The following MYT1 variants were observed in gnomAD, a reference collection of about 807,000 sequenced individuals.
MYT1 encodes myelin transcription factor 1.
A neutral mutation model predicts 123.0 loss-of-function variants in MYT1; 23 were observed. That is an observed-to-expected ratio of 0.19 (90% CI 0.13 to 0.26). The LOEUF is 0.26. MYT1 is among the 10% of genes least tolerant of loss of function. The pLI is 1.00. For missense variants in MYT1, 1,125 were observed against 1,472.5 expected, an observed-to-expected ratio of 0.76 and a Z score of 3.86; for synonymous variants, 518 against 575.3, an observed-to-expected ratio of 0.90 and a Z score of 1.43.
intron 8 of MYT1, 81 bp downstream of exon 8, chr20:64,211,421 G>T: frequency 6.9e-7 from 1 of 1,452,456 alleles, no homozygotes; most frequent in Non-Finnish European, 9.4e-7. Flanking sequence ...CTATGGGGAG[G>T]CGTGGCCTGC....
chr20:64,177,924 C>G (rs1982518365), intron 1 of MYT1, among the ~76,000 whole-genome samples: 2 of 152,220 alleles, frequency 1.3e-5, no homozygotes, highest in South Asian at 4.1e-4. Flanking sequence ...CCAGCCATCC[C>G]TGAGAGAAAC....
intron 4 of MYT1, among the ~76,000 whole-genome samples, chr20:64,200,139 G>A (rs767046254): frequency 2.6e-5 from 4 of 152,272 alleles, no homozygotes; most frequent in South Asian, 2.1e-4. Flanking sequence ...ATCATGTGGC[G>A]CACCAGCATC....
chr20:64,217,392 C>T (rs1983870577), intron 11 of MYT1, 111 bp downstream of exon 11: 3 of 1,188,554 alleles, frequency 2.5e-6, no homozygotes, highest in Non-Finnish European at 3.6e-6. Flanking sequence ...GGGAGGGAAA[C>T]TCTACCCTCA....
intron 18 of MYT1, among the ~76,000 whole-genome samples, chr20:64,229,849 C>T (rs531262039): frequency 9.8e-5 from 15 of 152,292 alleles, no homozygotes; most frequent in African/African-American, 2.6e-4. Flanking sequence ...AAAAGTCTTG[C>T]GGAGGTTCCA....
chr20:64,236,736 T>C, intron 20 of MYT1, 90 bp downstream of exon 20: 1 of 1,150,806 alleles, frequency 8.7e-7, no homozygotes, highest in Non-Finnish European at 1.3e-6. Context: ...GGAAGAAGGT[T>C]AGGGAGATGA....
chr20:64,171,434 C>T (rs1733330030), intron 1 of MYT1, among the ~76,000 whole-genome samples: 1 of 152,240 alleles, frequency 6.6e-6, no homozygotes, highest in African/African-American at 2.4e-5. Context: ...GGCCCTGCAC[C>T]TCTTCCCTGT....
chr20:64,207,394 T>A (rs1422979013), intron 6 of MYT1, among the ~76,000 whole-genome samples, 200 bp from the exon 7 acceptor site: 1 of 152,078 alleles, frequency 6.6e-6, no homozygotes, highest in East Asian at 1.9e-4. Flanking sequence ...ATATTCACCG[T>A]GATTTCTGGA....
At chr20:64,205,232 G>A (rs1379304736) in intron 5 of MYT1, 135 bp downstream of exon 5, 58 of 1,068,368 alleles carry the variant, frequency 5.4e-5, no homozygotes, top group East Asian at 2.0e-4. Context: ...GCGAGGCAGC[G>A]ACCTCCCACT....
chr20:64,239,732 C>T (rs773231558), intron 21 of MYT1, 28 bp from the exon 22 acceptor site: 10 of 1,612,596 alleles, frequency 6.2e-6, no homozygotes, highest in South Asian at 4.4e-5. Context: ...CAAGGGCAGG[C>T]GGCACTTCGA....
In MYT1 at chr20:64,168,054, G is replaced by T. The variant is rs1982137401; in HGVS notation, c.-99+3315G>T. Among the ~76,000 whole-genome samples, 1 of 152,190 alleles carries T rather than the reference G, an allele frequency of 6.6e-6. No homozygotes were observed. Among genetic ancestry groups the T allele is most frequent in the African/African-American group, 2.4e-5 (1 of 41,446 alleles). ...CACTGCCCAGCCCGGAGTGTCTGCT[G>T]GAGGCCTGGGGGGTGGAATGTGCTT... On this transcript the variant is annotated intron_variant, in intron 1 of 22. Transcript: ENST00000328439. The surrounding 1 kb of genome is among the most constrained non-coding windows in gnomAD (Gnocchi z 6.1).
rs530126587 is a variant in MYT1 at position 64,188,818 on chromosome 20, G to A, written c.-98-1245G>A. Among the ~76,000 whole-genome samples, 3 of 152,326 alleles carry A rather than the reference G, an allele frequency of 2.0e-5. No individual in the cohort carries two copies. The South Asian group carries it at 6.2e-4, about 32-fold the overall frequency. ...CTCCCTCCTCACTAGTCCAGGCACC[G>A]GAGCCTGCGGTGGGAGCCCTGTCAT... On this transcript the variant is annotated intron_variant, in intron 1 of 22. Coordinates refer to ENST00000328439, the MANE Select transcript of MYT1 (RefSeq NM_004535.3).
chr20:64,204,825 A>G (rs1451659307), intron 4 of MYT1, among the ~76,000 whole-genome samples: 1 of 152,212 alleles, frequency 6.6e-6, no homozygotes, highest in Non-Finnish European at 1.5e-5. Context: ...GCTCTTATGT[A>G]TACACAGTCT....
chr20:64,211,158 T>C, intron 7 of MYT1, 48 bp from the exon 8 acceptor site: 1 of 1,584,320 alleles, frequency 6.3e-7, no homozygotes, highest in Non-Finnish European at 8.6e-7. Flanking sequence ...CCCTCTCTGC[T>C]CACCACCCAG....
chr20:64,229,164 A>C (rs1984255918), intron 18 of MYT1, among the ~76,000 whole-genome samples: 1 of 152,356 alleles, frequency 6.6e-6, no homozygotes, highest in African/African-American at 2.4e-5. Context: ...ATAAAACTGT[A>C]ATGAATGCTA....
chr20:64,205,468 G>A, intron 5 of MYT1, 85 bp from the exon 6 acceptor site: 2 of 1,547,208 alleles, frequency 1.3e-6, no homozygotes, highest in South Asian at 2.5e-5. Context: ...GAGGGAGGGA[G>A]GACCCTCGGG....
chr20:64,187,302 G>A (rs1982839215), intron 1 of MYT1, among the ~76,000 whole-genome samples: 1 of 147,420 alleles, frequency 6.8e-6, no homozygotes, highest in Admixed American at 6.7e-5. Context: ...TTTTCCTGTA[G>A]CACGTGGCTC....
In MYT1 at chr20:64,186,483, G is replaced by A. The variant is rs1487394043; in HGVS notation, c.-98-3580G>A. ...TCAGATTCCTGACAAGAAAGGCCAT[G>A]GTGATGACAACAGCACTGACGTCCT... is the stretch of plus-strand genomic sequence containing the variant. On this transcript the variant is annotated intron_variant, in intron 1 of 22. Coordinates refer to ENST00000328439, the MANE Select transcript of MYT1 (RefSeq NM_004535.3). This position sits in a 1 kb window ranked among gnomAD's most constrained non-coding sequence, Gnocchi z 4.3. Among the ~76,000 whole-genome samples, 2 of 152,262 alleles carry A rather than the reference G, an allele frequency of 1.3e-5. No individual in the cohort carries two copies. Among genetic ancestry groups the A allele is most frequent in the Non-Finnish European group, 2.9e-5 (2 of 68,036 alleles).
chr20:64,195,396 G>GTT (rs1250599696), intron 2 of MYT1, among the ~76,000 whole-genome samples: 1 of 32,978 alleles, frequency 3.0e-5, no homozygotes, highest in Non-Finnish European at 6.6e-5. Flanking sequence ...GTGTGTGTGT[G>GTT]TATACTTTTT....
intron 6 of MYT1, among the ~76,000 whole-genome samples, chr20:64,206,713 A>G (rs1983496451): frequency 6.6e-6 from 1 of 152,192 alleles, no homozygotes; most frequent in Non-Finnish European, 1.5e-5. Flanking sequence ...TCCCAGGTAG[A>G]AAAGACACAC....
Sources: allele counts gnomAD v4.1 joint callset (sites outside exome capture counted in the v4.1 genomes callset), GRCh38; gene constraint gnomAD v4.1.1; non-coding constraint Gnocchi (gnomAD v3.1); transcripts MANE v1.5; gene names NCBI Gene and HGNC (gene_info 2026-07-23, HGNC 2026-07-21).